The following HOXC4 variants were observed in gnomAD, a reference collection of about 807,000 sequenced individuals.
The protein encoded by HOXC4 is homeobox C4, also known as homeobox protein Hox-C4.
HOXC4 carries 15 observed loss-of-function variants against 25.5 expected under a neutral mutation model. That is an observed-to-expected ratio of 0.59 (90% confidence interval 0.39 to 0.91). The LOEUF is 0.91. Among genes scored for constraint, HOXC4 ranks in the 40% least tolerant of loss-of-function variants. The probability of loss-of-function intolerance (pLI) is 0.00; values close to 1 mark genes in which losing one functional copy is unlikely to be tolerated. For synonymous variants in HOXC4, 165 were observed against 148.0 expected (o/e 1.11, Z -0.83); for missense variants, 342 against 352.4 (o/e 0.97, Z 0.24).
intron 1 of HOXC4, among the ~76,000 whole-genome samples, chr12:54,048,368 A>T (rs1451635474): frequency 6.6e-6 from 1 of 152,038 alleles, no homozygotes; most frequent in Non-Finnish European, 1.5e-5. Context: ...GTTGGGGAAA[A>T]TAAAATAAAG....
intron 1 of HOXC4, among the ~76,000 whole-genome samples, chr12:54,038,505 A>G (rs1330434915): frequency 6.6e-6 from 1 of 152,200 alleles, no homozygotes; most frequent in Non-Finnish European, 1.5e-5. Context: ...TTCTACGCCC[A>G]CAGGCTACTG....
At chr12:54,027,849 C>T (rs1244146292) in intron 1 of HOXC4, among the ~76,000 whole-genome samples, 2 of 152,172 alleles carry the variant, frequency 1.3e-5, no homozygotes, top group African/African-American at 2.4e-5. Context: ...AGACTCTCAG[C>T]CACACTCTAC....
At chr12:54,043,667 G>T (rs1282138913) in intron 1 of HOXC4, among the ~76,000 whole-genome samples, 5 of 150,106 alleles carry the variant, frequency 3.3e-5, no homozygotes, top group African/African-American at 4.9e-5. Flanking sequence ...CGCTAGAGCT[G>T]ACTCCAGGGA....
At chr12:54,027,042 A>C (rs1940749442) in intron 1 of HOXC4, among the ~76,000 whole-genome samples, 1 of 151,090 alleles carries the variant, frequency 6.6e-6, no homozygotes, top group African/African-American at 2.4e-5. Flanking sequence ...AGGCATTTTC[A>C]GCCTATATCA....
intron 1 of HOXC4, among the ~76,000 whole-genome samples, chr12:54,031,860 G>A (rs1592236202): frequency 1.3e-5 from 2 of 152,154 alleles, no homozygotes; most frequent in East Asian, 1.9e-4. Flanking sequence ...CGCCTGCCCT[G>A]CCCACCCCCC....
intron 1 of HOXC4, among the ~76,000 whole-genome samples, chr12:54,045,367 G>C (rs1302760772): frequency 6.6e-6 from 1 of 152,200 alleles, no homozygotes; most frequent in African/African-American, 2.4e-5. Context: ...TCTTTCTATA[G>C]TGGTTGGATG....
intron 1 of HOXC4, chr12:54,028,392 G>A (rs1404366321): frequency 4.9e-6 from 5 of 1,016,588 alleles, no homozygotes; most frequent in East Asian, 5.1e-5. Flanking sequence ...GCTGGGAGGG[G>A]GTCAGCTGAC....
chr12:54,038,635 G>T (rs1341871179), intron 1 of HOXC4, among the ~76,000 whole-genome samples: 2 of 152,150 alleles, frequency 1.3e-5, no homozygotes, highest in Non-Finnish European at 2.9e-5. Flanking sequence ...CCGTAGTTTG[G>T]CATCTTAGTC....
At chr12:54,024,073 C>A (rs1592225463) in intron 1 of HOXC4, among the ~76,000 whole-genome samples, 1 of 152,210 alleles carries the variant, frequency 6.6e-6, no homozygotes, top group Non-Finnish European at 1.5e-5. Flanking sequence ...ACTGAGCAGT[C>A]GCTCCAGAAC....
intron 1 of HOXC4, chr12:54,047,825 C>G (rs1337640128): frequency 6.6e-6 from 1 of 152,332 alleles, no homozygotes; most frequent in Non-Finnish European, 1.5e-5. Flanking sequence ...CCGATGGCCC[C>G]TTCTCCGACT....
intron 1 of HOXC4, among the ~76,000 whole-genome samples, chr12:54,048,441 C>T (rs1382991276): frequency 2.0e-5 from 3 of 152,108 alleles, no homozygotes; most frequent in Non-Finnish European, 4.4e-5. Context: ...AAAAGGGAAA[C>T]CTTATAAAAT....
At chr12:54,044,725 T>TTGTGTGTGTGTG (rs58933808) in intron 1 of HOXC4, among the ~76,000 whole-genome samples, 2 of 146,938 alleles carry the variant, frequency 1.4e-5, no homozygotes, top group Admixed American at 6.7e-5. Context: ...GTGTGTGTGT[T>TTGTGTGTGTGTG]TGTGTGTGTG....
In HOXC4 at chr12:54,054,066, C is replaced by G. The variant is rs1434360777; in HGVS notation, c.144C>G (p.His48Gln). 1.9e-6 allele frequency: 3 copies of G among 1,614,206 alleles called. No homozygotes were observed. Among genetic ancestry groups the G allele is most frequent in the Non-Finnish European group, 8.5e-7 (1 of 1,180,030 alleles). ...CCAGGGAATCGGGATTCCAGCATCA[C>G]CACCAGGAGCTGTACCCACCACCGC... is the stretch of plus-strand genomic sequence containing the variant. ...GRTRESGFQHHHQELYPPPPP... is the reference protein window; with the variant it reads ...GRTRESGFQHQHQELYPPPPP... The change falls in exon 1 of 2, where the codon CAC becomes CAG. Residue 48 changes from histidine (H) to glutamine (Q), a missense_variant. Coordinates refer to ENST00000430889, the MANE Select transcript of HOXC4 (RefSeq NM_153633.3).
rs960598925 is a variant in HOXC4 at position 54,055,912 on chromosome 12, G to T, written c.*707G>T. The stretch of plus-strand genomic sequence containing the variant: ...AGAATCTCTCCCCACCCCTATCGTG[G>T]TTATTGTGTTTTTGGACTGAATTTA... On this transcript the variant is annotated 3_prime_UTR_variant, in exon 2 of 2. Coordinates refer to ENST00000430889, the MANE Select transcript of HOXC4 (RefSeq NM_153633.3). 1 of 152,594 alleles carries T rather than the reference G, an allele frequency of 6.6e-6. No individual in the cohort carries two copies. Among genetic ancestry groups the T allele is most frequent in the Non-Finnish European group, 1.5e-5 (1 of 68,018 alleles). The allele number at this position is 152,594 out of a possible 1,614,324, so 9.5% of individuals were successfully genotyped here.
chr12:54,034,345 C>A, intron 1 of HOXC4: 3 of 1,614,238 alleles, frequency 1.9e-6, no homozygotes, highest in Non-Finnish European at 2.5e-6. Context: ...AGAAAGAATT[C>A]CACTTTAACC....
chr12:54,024,243 G>A (rs559113517), intron 1 of HOXC4, among the ~76,000 whole-genome samples: 15 of 152,264 alleles, frequency 9.9e-5, no homozygotes, highest in African/African-American at 3.6e-4. Context: ...ACTTGGGGGT[G>A]GTGGGGGCAG....
At chr12:54,020,442 G>A (rs1445242522) in intron 1 of HOXC4, 1 of 152,222 alleles carries the variant, frequency 6.6e-6, no homozygotes, top group African/African-American at 2.4e-5. Flanking sequence ...TCTCACCCTG[G>A]TCTGACAGTT....
chr12:54,028,026 T>C (rs10876529), intron 1 of HOXC4, among the ~76,000 whole-genome samples: 59,527 of 151,982 alleles, frequency 0.39, 11,916 homozygotes, highest in East Asian at 0.64. Flanking sequence ...GAGGGAGTTC[T>C]TCCCTTGGAG....
upstream of HOXC4, among the ~76,000 whole-genome samples, chr12:54,049,762 A>G (rs1482200000): frequency 6.8e-6 from 1 of 146,096 alleles, no homozygotes; most frequent in Admixed American, 6.8e-5. Flanking sequence ...ACACACACAC[A>G]CACACACACA....
Sources: gnomAD v4.1 joint callset for allele counts (sites outside exome capture counted in the v4.1 genomes callset) on GRCh38, gnomAD v4.1.1 for gene constraint, MANE v1.5 for transcripts, NCBI Gene and HGNC (gene_info 2026-07-23, HGNC 2026-07-21) for gene names.